The following ARHGAP22 variants were observed in gnomAD, a reference collection of about 807,000 sequenced individuals.
ARHGAP22 encodes the protein rho GTPase-activating protein 22.
A neutral mutation model predicts 59.1 loss-of-function variants in ARHGAP22; 48 were observed. That is an observed-to-expected ratio of 0.81 (90% CI 0.64 to 1.03). The LOEUF (loss-of-function observed/expected upper bound fraction) is 1.03. Among genes scored for constraint, ARHGAP22 ranks in the 50% least tolerant of loss-of-function variants. The pLI, the probability that ARHGAP22 is intolerant of heterozygous loss-of-function variation, is 0.00. For synonymous variants in ARHGAP22, 445 were observed against 416.4 expected, an observed-to-expected ratio of 1.07 and a Z score of -0.84; for missense variants, 1,015 against 958.7, an observed-to-expected ratio of 1.06 and a Z score of -0.78.
intron 3 of ARHGAP22, among the ~76,000 whole-genome samples, chr10:48,522,693 C>T (rs144894996): frequency 9.2e-4 from 140 of 152,320 alleles, no homozygotes; most frequent in African/African-American, 3.1e-3. Flanking sequence ...AGTGAAGACA[C>T]CACACACAGG....
At chr10:48,507,170 TAC>T (rs2052230379) in intron 3 of ARHGAP22, among the ~76,000 whole-genome samples, 1 of 152,198 alleles carries the variant, frequency 6.6e-6, no homozygotes, top group African/African-American at 2.4e-5. Flanking sequence ...GTCCCTTCCA[TAC>T]ACAGAGCATC....
At chr10:48,595,504 A>G (rs1213078503) in intron 1 of ARHGAP22, among the ~76,000 whole-genome samples, 1 of 152,154 alleles carries the variant, frequency 6.6e-6, no homozygotes, top group African/African-American at 2.4e-5. Context: ...AAACTTGTTT[A>G]TATATATGTG....
rs1590202628 is a variant in ARHGAP22, at chr10:48,562,986, G to A, written c.235-7436C>T. Among the ~76,000 whole-genome samples, 5 of 152,028 alleles carry A rather than the reference G, an allele frequency of 3.3e-5. No homozygotes were observed. The East Asian group carries it at 9.7e-4, about 29-fold the overall frequency. On this transcript the variant is annotated intron_variant, in intron 2 of 9. Coordinates refer to ENST00000249601, the MANE Select transcript of ARHGAP22 (RefSeq NM_021226.4). ...CTGGGCTATAGTCAATAGCTGGCACGACTGTTCCTTCTGGAGCTCTAGGGC... is the reference window on the plus strand; with the variant it reads ...CTGGGCTATAGTCAATAGCTGGCACAACTGTTCCTTCTGGAGCTCTAGGGC...
chr10:48,574,544 G>A (rs1316872225), intron 2 of ARHGAP22, among the ~76,000 whole-genome samples: 1 of 152,230 alleles, frequency 6.6e-6, no homozygotes, highest in Non-Finnish European at 1.5e-5. Context: ...TGAGCTGGGT[G>A]GAGGTTATGA....
chr10:48,552,064 T>A (rs191653214), intron 3 of ARHGAP22, among the ~76,000 whole-genome samples: 2 of 152,392 alleles, frequency 1.3e-5, no homozygotes, highest in East Asian at 3.9e-4. Context: ...GTTTCCTCAT[T>A]TTTAATTCTA....
At chr10:48,516,780 A>G (rs763817453) in intron 3 of ARHGAP22, among the ~76,000 whole-genome samples, 1 of 152,250 alleles carries the variant, frequency 6.6e-6, no homozygotes, top group Non-Finnish European at 1.5e-5. Flanking sequence ...ATCAAAAACC[A>G]AGACATCACA....
At chr10:48,643,246 C>A (rs2062130908) in intron 1 of ARHGAP22, among the ~76,000 whole-genome samples, 1 of 152,132 alleles carries the variant, frequency 6.6e-6, no homozygotes, top group Non-Finnish European at 1.5e-5. Context: ...TGGGTATATA[C>A]CCAAAGGATT....
At chr10:48,496,095 C>T (rs573017558) in intron 3 of ARHGAP22, among the ~76,000 whole-genome samples, 4 of 152,284 alleles carry the variant, frequency 2.6e-5, no homozygotes, top group South Asian at 4.2e-4. Flanking sequence ...CCCGGATTCC[C>T]GACCCACAGA....
chr10:48,541,706 C>A (rs1420284808), intron 3 of ARHGAP22, among the ~76,000 whole-genome samples: 3 of 152,102 alleles, frequency 2.0e-5, no homozygotes, highest in Non-Finnish European at 2.9e-5. Context: ...ATGTTATGCA[C>A]CCAGGAAGCC....
intron 3 of ARHGAP22, chr10:48,510,826 A>G (rs1181199077): frequency 6.6e-6 from 1 of 152,260 alleles, no homozygotes; most frequent in African/African-American, 2.4e-5. Flanking sequence ...GTGTGGCCTT[A>G]GTCAAGTCAT....
At chr10:48,559,128 C>T (rs1050120904) in intron 2 of ARHGAP22, among the ~76,000 whole-genome samples, 1 of 152,212 alleles carries the variant, frequency 6.6e-6, no homozygotes. Flanking sequence ...AGTGTCAGCA[C>T]TTTGCCAGCT....
chr10:48,466,817 G>C (rs916003433), intron 4 of ARHGAP22: 2 of 152,038 alleles, frequency 1.3e-5, no homozygotes, highest in African/African-American at 4.8e-5. Context: ...TCTGTGAGTT[G>C]CCTGGAATGC....
intron 3 of ARHGAP22, among the ~76,000 whole-genome samples, chr10:48,526,552 G>C (rs968097987): frequency 8.5e-5 from 13 of 152,168 alleles, no homozygotes; most frequent in African/African-American, 2.9e-4. Context: ...TAGTCACAGC[G>C]GGCTTAATGA....
chr10:48,626,458 G>T (rs1476637588), intron 1 of ARHGAP22, among the ~76,000 whole-genome samples: 3 of 152,186 alleles, frequency 2.0e-5, no homozygotes, highest in Non-Finnish European at 4.4e-5. Flanking sequence ...GTTAATGGTG[G>T]CTGCTAGGAG....
At chr10:48,464,628 C>T (rs1046174393) in intron 4 of ARHGAP22, among the ~76,000 whole-genome samples, 9 of 152,244 alleles carry the variant, frequency 5.9e-5, no homozygotes, top group East Asian at 1.9e-4. Flanking sequence ...GGTGGGGACA[C>T]GGGAAAGTAG....
At chr10:48,513,340 A>AT (rs1426517446) in intron 3 of ARHGAP22, among the ~76,000 whole-genome samples, 3 of 152,220 alleles carry the variant, frequency 2.0e-5, no homozygotes, top group African/African-American at 7.2e-5. Flanking sequence ...GCGCTATGCC[A>AT]TTGTGGAGGA....
At chr10:48,589,704 A>C (rs1171437123) in intron 1 of ARHGAP22, among the ~76,000 whole-genome samples, 1 of 151,900 alleles carries the variant, frequency 6.6e-6, no homozygotes, top group African/African-American at 2.4e-5. Context: ...CCTTCTTTTC[A>C]TCTCCCCTTT....
intron 1 of ARHGAP22, among the ~76,000 whole-genome samples, chr10:48,630,152 C>T (rs770586673): frequency 3.9e-5 from 6 of 152,228 alleles, no homozygotes; most frequent in Admixed American, 6.5e-5. Context: ...AGTGCAGTGG[C>T]GCTATCTCAG....
the ARHGAP22 span, chr10:48,436,465 C>T: frequency 6.6e-6 from 1 of 152,142 alleles, no homozygotes; most frequent in Non-Finnish European, 1.5e-5. Flanking sequence ...TAGACCCAGG[C>T]ACCTTTTAAA....
Sources: allele counts gnomAD v4.1 joint callset (sites outside exome capture counted in the v4.1 genomes callset), GRCh38; gene constraint gnomAD v4.1.1; transcripts MANE v1.5; gene names NCBI Gene and HGNC (gene_info 2026-07-23, HGNC 2026-07-21).